Variants in ZNF518B observed in about 807,000 individuals in gnomAD.
ZNF518B encodes the protein zinc finger protein 518B.
In ZNF518B, 23 loss-of-function variants were observed where a neutral mutation model predicts 56.3. The observed-to-expected ratio is 0.41, with a 90% CI of 0.29 to 0.58. ZNF518B has a LOEUF of 0.58. Among genes scored for constraint, ZNF518B ranks in the 20% least tolerant of loss-of-function variants. ZNF518B has a pLI of 0.32. For synonymous variants in ZNF518B, 529 were observed against 465.9 expected (o/e 1.14, Z -1.74); for missense variants, 1,460 against 1,272.1 (o/e 1.15, Z -2.25).
rs2108978597 is a variant in ZNF518B, at chr4:10,440,255, T to C, written c.*2849A>G. The C allele has an allele frequency of 6.6e-6, 1 of 151,896 alleles. No homozygotes were observed. Among genetic ancestry groups the C allele is most frequent in the East Asian group, 1.9e-4 (1 of 5,158 alleles). The allele number at this position is 151,896 out of a possible 1,614,324, so 9.4% of individuals were successfully genotyped here. A position where few individuals can be genotyped will look rare whatever the true frequency, so the allele number is the denominator to read the frequency against. On this transcript the variant is annotated 3_prime_UTR_variant, in exon 3 of 3. Coordinates refer to ENST00000326756, the MANE Select transcript of ZNF518B (RefSeq NM_053042.3). The stretch of plus-strand genomic sequence containing the variant: ...TCGACTGGGGATACAAAATTGAATA[T>C]AATATAGTCTATCAGAGTATACTTT...
intron 2 of ZNF518B, among the ~76,000 whole-genome samples, chr4:10,447,858 A>C (rs1715136818): frequency 6.6e-6 from 1 of 152,112 alleles, no homozygotes. Flanking sequence ...CATGTTGGCC[A>C]GGCTGGTCTT....
intron 2 of ZNF518B, chr4:10,452,606 G>C (rs960496670): frequency 6.6e-6 from 1 of 152,192 alleles, no homozygotes; most frequent in East Asian, 1.9e-4. Context: ...ATATGAATGT[G>C]TGATGGGGAA....
Position 10,444,643 on chromosome 4 carries a change from A to G in ZNF518B, c.1686T>C (p.Pro562=). Residue 562 remains proline (P), a synonymous_variant, in exon 3 of 3, where the codon CCT becomes CCC. Coordinates refer to ENST00000326756, the MANE Select transcript of ZNF518B (RefSeq NM_053042.3). ...TCCTATTAGAGGAAACCACTTTTAC[A>G]GGAATATTGACTTTACTTGTAGATT... The part of the protein sequence containing the change: ...DLESTSKVNI[P]VKVVSSNRKQ... 8 of 1,614,224 alleles carry G rather than the reference A, an allele frequency of 5.0e-6. No homozygotes were observed. Among genetic ancestry groups the G allele is most frequent in the Non-Finnish European group, 6.8e-6 (8 of 1,180,032 alleles).
chr4:10,446,581 T>G, intron 2 of ZNF518B, 42 bp from the exon 3 acceptor site: 1 of 416,256 alleles, frequency 2.4e-6, no homozygotes, highest in Non-Finnish European at 4.4e-6. Flanking sequence ...AATATAAGAG[T>G]TTGGCTAAGC....
chr4:10,451,984 C>T (rs1390911481), intron 2 of ZNF518B: 1 of 152,192 alleles, frequency 6.6e-6, no homozygotes, highest in African/African-American at 2.4e-5. Flanking sequence ...CATGGACCAC[C>T]ACATACATTT....
At chr4:10,449,295 A>T (rs183898988) in intron 2 of ZNF518B, among the ~76,000 whole-genome samples, 1 of 152,334 alleles carries the variant, frequency 6.6e-6, no homozygotes, top group East Asian at 1.9e-4. Context: ...AAAGGAAAGG[A>T]GATTTTTGTG....
chr4:10,445,402 T>C lies in ZNF518B; in HGVS notation c.927A>G (p.Lys309=), dbSNP rs1368861926. The change falls in exon 3 of 3, where the codon AAA becomes AAG. Residue 309 remains lysine, a synonymous_variant. Transcript: ENST00000326756. ...GGGATAACACTTCTACTTCAACATT[T>C]TTGTTCTCAAATAGGTTGACTTCAT... ...EPNEVNLFEN[K]NVEVEVLSPA... 6.2e-7 allele frequency: 1 copy of C among 1,614,228 alleles called. No individual in the cohort carries two copies. Among genetic ancestry groups the C allele is most frequent in the South Asian group, 1.1e-5 (1 of 91,078 alleles).
chr4:10,454,347 G>A (rs1488227437), intron 2 of ZNF518B: 2 of 152,224 alleles, frequency 1.3e-5, no homozygotes, highest in African/African-American at 4.8e-5. Context: ...CACAGTGCCT[G>A]GCATAGTGTG....
chr4:10,458,248 C>G (rs1245418271), upstream of ZNF518B, among the ~76,000 whole-genome samples: 1 of 152,120 alleles, frequency 6.6e-6, no homozygotes, highest in Non-Finnish European at 1.5e-5. Context: ...TGAAACAGCT[C>G]TCCAGCAGGG....
rs768669773 is a variant in ZNF518B at position 10,443,530 on chromosome 4, C to T, written c.2799G>A (p.Leu933=). 2.5e-6 allele frequency: 4 copies of T among 1,614,016 alleles called. No individual in the cohort carries two copies. Among genetic ancestry groups the T allele is most frequent in the Middle Eastern group, 1.6e-4 (1 of 6,062 alleles). The change falls in exon 3 of 3, where the codon TTG becomes TTA. Residue 933 remains leucine, a synonymous_variant. Transcript: ENST00000326756. The part of the protein sequence containing the change: ...LRLIAAKPDQ[L]IKCPRRNQPV... ...GCTGGTTCCGACGGGGACACTTAAT[C>T]AACTGATCTGGCTTAGCTGCTATCA...
At position 10,443,168 on chromosome 4, in the gene ZNF518B, T is replaced by C; in HGVS notation, c.3161A>G (p.His1054Arg). 6.2e-7 allele frequency: 1 copy of C among 1,614,266 alleles called. No individual in the cohort carries two copies. Among genetic ancestry groups the C allele is most frequent in the Non-Finnish European group, 8.5e-7 (1 of 1,180,034 alleles). Residue 1054 changes from histidine (H) to arginine (R), a missense_variant, in exon 3 of 3, where the codon CAT (histidine) becomes CGT (arginine). Physicochemically the swap from His to Arg is conservative, Grantham distance 29 (BLOSUM62 0). Transcript: ENST00000326756. ...LYEDQEEWMS[H>R]GQRHLIEATR... ...TGCTTCTATCAAATGCCGTTGGCCA[T>C]GACTCATCCACTCTTCCTGGTCTTC...
rs751171091 is a variant in ZNF518B at position 10,445,138 on chromosome 4, T to C, written c.1191A>G (p.Val397=). ...GTGACTTTGTTTTTTCTGCAGAAAG[T>C]ACTTTTTCTTGTTCATTTGAACCCT... is the stretch of plus-strand genomic sequence containing the variant. ...KEKGSNEQEK[V]LSAEKTKSLT... is the part of the protein sequence containing the mutation. The change falls in exon 3 of 3, where the codon GTA becomes GTG. Residue 397 remains valine, a synonymous_variant. Coordinates refer to ENST00000326756, the MANE Select transcript of ZNF518B (RefSeq NM_053042.3). The C allele has an allele frequency of 2.5e-6, 4 of 1,614,212 alleles. No homozygotes were observed. In the Admixed American group the frequency reaches 6.7e-5, roughly 27 times the overall value.
rs1001610693 is a variant in ZNF518B, at chr4:10,440,159, A to G, written c.*2945T>C. 2 of 152,368 alleles carry G rather than the reference A, an allele frequency of 1.3e-5. No individual in the cohort carries two copies. Among genetic ancestry groups the G allele is most frequent in the Non-Finnish European group, 2.9e-5 (2 of 68,034 alleles). 9.4% of individuals were successfully genotyped at this position (152,368 alleles called of 1,614,324 possible). A position where few individuals can be genotyped will look rare whatever the true frequency, so the allele number is the denominator to read the frequency against. ...TAAAGAAAAAGGGATGGAGCTTGTG[A>G]GAAAATATATTTTGTTCAGTCTAGT... is the stretch of plus-strand genomic sequence containing the variant. On this transcript the variant is annotated 3_prime_UTR_variant, in exon 3 of 3. Coordinates refer to ENST00000326756, the MANE Select transcript of ZNF518B (RefSeq NM_053042.3).
chr4:10,445,044 GCTGTTT>G lies in ZNF518B; in HGVS notation c.1279_1284del (p.Lys427_Gln428del). ...GACCTTACCCATTTCACATTTTTAA[GCTGTTT>G]CTGAACTGAAGGTTGAAAACTATCA... On this transcript the variant is annotated inframe_deletion, in exon 3 of 3. Transcript: ENST00000326756. 6.2e-7 allele frequency: 1 copy of G among 1,614,134 alleles called. No homozygotes were observed. The highest frequency in any genetic ancestry group is 8.5e-7 in the Non-Finnish European group (1 of 1,180,032).
Position 10,442,374 on chromosome 4 carries a change from A to G in ZNF518B, c.*730T>C, listed in dbSNP as rs1714720208. 6.6e-6 allele frequency: 1 copy of G among 152,220 alleles called. No individual in the cohort carries two copies. Among genetic ancestry groups the G allele is most frequent in the Non-Finnish European group, 1.5e-5 (1 of 68,032 alleles). The allele number at this position is 152,220 out of a possible 1,614,324, so 9.4% of individuals were successfully genotyped here. ...TCTCTTTTTGTCTTTGCAAAAAGGT[A>G]CGTTCCCTTCCCATATGTCATAAAC... On this transcript the variant is annotated 3_prime_UTR_variant, in exon 3 of 3. Transcript: ENST00000326756.
At chr4:10,449,071 A>G (rs1413504558) in intron 2 of ZNF518B, among the ~76,000 whole-genome samples, 2 of 152,234 alleles carry the variant, frequency 1.3e-5, no homozygotes, top group Admixed American at 6.5e-5. Flanking sequence ...CAATATAGTC[A>G]TGTCAACATT....
chr4:10,451,648 G>A (rs1413952755), intron 2 of ZNF518B: 1 of 152,136 alleles, frequency 6.6e-6, no homozygotes, highest in Non-Finnish European at 1.5e-5. Flanking sequence ...TTCAGAACAT[G>A]CCCTGAATCT....
chr4:10,449,100 A>T (rs1577224931), intron 2 of ZNF518B, among the ~76,000 whole-genome samples: 1 of 152,350 alleles, frequency 6.6e-6, no homozygotes. Context: ...GATAAAACGG[A>T]AAAGCTGCAG....
chr4:10,458,681 C>G (rs567378663), upstream of ZNF518B, among the ~76,000 whole-genome samples: 37 of 152,260 alleles, frequency 2.4e-4, no homozygotes, highest in African/African-American at 8.4e-4. Flanking sequence ...GCTAAGGAAC[C>G]TCTTCTCAGA....
Sources: gnomAD v4.1 joint callset for allele counts (sites outside exome capture counted in the v4.1 genomes callset) on GRCh38, gnomAD v4.1.1 for gene constraint, MANE v1.5 for transcripts, NCBI Gene and HGNC (gene_info 2026-07-23, HGNC 2026-07-21) for gene names.